ACAP2: variants seen among roughly 807,000 people sequenced by gnomAD.
The protein encoded by ACAP2 is ArfGAP with coiled-coil, ankyrin repeat and PH domains 2.
A neutral mutation model predicts 115.8 loss-of-function variants in ACAP2; 39 were observed. That is an observed-to-expected ratio of 0.34 (90% CI 0.26 to 0.44). The LOEUF is 0.44. Ranked by LOEUF, ACAP2 falls within the 20% of genes least tolerant of loss-of-function variation. The probability of loss-of-function intolerance (pLI) is 1.00; values close to 1 mark genes in which losing one functional copy is unlikely to be tolerated. For missense variants in ACAP2, 662 were observed against 927.6 expected, an observed-to-expected ratio of 0.71 and a Z score of 3.72; for synonymous variants, 289 against 315.8, an observed-to-expected ratio of 0.92 and a Z score of 0.90.
At chr3:195,316,830 T>C (rs1729118975) in intron 10 of ACAP2, among the ~76,000 whole-genome samples, 1 of 150,678 alleles carries the variant, frequency 6.6e-6, no homozygotes, top group Non-Finnish European at 1.5e-5. Context: ...CATGTAAACA[T>C]CTGGCAATAT....
intron 16 of ACAP2, among the ~76,000 whole-genome samples, 178 bp downstream of exon 16, chr3:195,297,012 G>A (rs1727696261): frequency 6.6e-6 from 1 of 152,036 alleles, no homozygotes. Context: ...TTGATTATCT[G>A]TTCAATACAA....
chr3:195,374,236 T>G (rs972766622), intron 4 of ACAP2, among the ~76,000 whole-genome samples: 6 of 151,586 alleles, frequency 4.0e-5, no homozygotes, highest in Non-Finnish European at 8.8e-5. Context: ...AAATAAAAAA[T>G]AAAATTAGCC....
intron 1 of ACAP2, among the ~76,000 whole-genome samples, chr3:195,414,352 T>C (rs1224013267): frequency 6.6e-6 from 1 of 152,202 alleles, no homozygotes; most frequent in Non-Finnish European, 1.5e-5. Flanking sequence ...AATGTGATCC[T>C]CCTGCCTCAG....
intron 1 of ACAP2, among the ~76,000 whole-genome samples, chr3:195,409,590 A>T (rs1713080615): frequency 6.6e-6 from 1 of 152,028 alleles, no homozygotes; most frequent in Admixed American, 6.6e-5. Context: ...AAATAGAAAA[A>T]CCTGGCTGGG....
chr3:195,381,885 A>G lies in ACAP2; in HGVS notation c.231+18T>C, dbSNP rs1438562445. The stretch of plus-strand genomic sequence containing the variant: ...GCTTTTTTTTTTCATTTTTAACTGC[A>G]ATTTTAGTAATACTAACCTCAACGA... On this transcript the variant is annotated intron_variant, in intron 3 of 22. Transcript: ENST00000326793. 6 of 1,565,392 alleles carry G rather than the reference A, an allele frequency of 3.8e-6. No homozygotes were observed. The East Asian group carries it at 9.0e-5, about 24-fold the overall frequency.
chr3:195,362,784 A>C (rs1433457908), intron 4 of ACAP2, among the ~76,000 whole-genome samples: 1 of 152,220 alleles, frequency 6.6e-6, no homozygotes, highest in Non-Finnish European at 1.5e-5. Context: ...CTCTCAAAAA[A>C]CTGGGTATAG....
At chr3:195,304,510 G>A (rs553053353) in intron 13 of ACAP2, among the ~76,000 whole-genome samples, 6 of 152,190 alleles carry the variant, frequency 3.9e-5, no homozygotes, top group South Asian at 2.1e-4. Context: ...TCCTACTGTC[G>A]CTGCCCCCCA....
At chr3:195,328,880 C>T (rs1293124624) in intron 8 of ACAP2, among the ~76,000 whole-genome samples, 1 of 152,128 alleles carries the variant, frequency 6.6e-6, no homozygotes, top group African/African-American at 2.4e-5. Context: ...TAGATCGAGA[C>T]CATCCTGGCT....
intron 1 of ACAP2, among the ~76,000 whole-genome samples, chr3:195,434,625 G>C (rs1715393837): frequency 6.6e-6 from 1 of 152,206 alleles, no homozygotes; most frequent in African/African-American, 2.4e-5. Flanking sequence ...GCTTTGAAAA[G>C]TGATGTCTCC....
intron 1 of ACAP2, among the ~76,000 whole-genome samples, chr3:195,430,734 A>G (rs1715054730): frequency 6.6e-6 from 1 of 151,942 alleles, no homozygotes; most frequent in Admixed American, 6.6e-5. Flanking sequence ...AAAAAAAATC[A>G]TATGGGGAAA....
At chr3:195,417,591 T>G (rs1366240872) in intron 1 of ACAP2, among the ~76,000 whole-genome samples, 1 of 152,108 alleles carries the variant, frequency 6.6e-6, no homozygotes, top group Admixed American at 6.6e-5. Flanking sequence ...CTTGCCCCAA[T>G]GAAGTTAATG....
At chr3:195,438,441 C>A (rs373744112) in intron 1 of ACAP2, among the ~76,000 whole-genome samples, 24 of 151,856 alleles carry the variant, frequency 1.6e-4, no homozygotes, top group African/African-American at 5.6e-4. Context: ...TATTAACAGG[C>A]AGTTGCTAAA....
intron 1 of ACAP2, among the ~76,000 whole-genome samples, chr3:195,399,225 T>C (rs779188886): frequency 3.9e-5 from 6 of 152,250 alleles, no homozygotes; most frequent in Non-Finnish European, 8.8e-5. Flanking sequence ...TCATTCATCT[T>C]CTCAAAAGTC....
In ACAP2 at chr3:195,393,661, A is replaced by G. The variant is rs570088474; in HGVS notation, c.54-1514T>C. Among the ~76,000 whole-genome samples the G allele has an allele frequency of 2.0e-5, 3 of 152,352 alleles. No homozygotes were observed. In the South Asian group the frequency reaches 6.2e-4, roughly 32 times the overall value. On this transcript the variant is annotated intron_variant, in intron 1 of 22. Transcript: ENST00000326793. ...ACATTTTTCATTCACATCAGTCCTCAGTCCCTTCACCTACTCATCATTTAA... is the reference window on the plus strand; with the variant it reads ...ACATTTTTCATTCACATCAGTCCTCGGTCCCTTCACCTACTCATCATTTAA...
chr3:195,343,617 C>G (rs934445214), intron 5 of ACAP2, among the ~76,000 whole-genome samples: 1 of 152,102 alleles, frequency 6.6e-6, no homozygotes, highest in African/African-American at 2.4e-5. Flanking sequence ...TTTCTGTGGT[C>G]TCACATTATT....
At chr3:195,435,269 G>A (rs999869916) in intron 1 of ACAP2, among the ~76,000 whole-genome samples, 2 of 150,422 alleles carry the variant, frequency 1.3e-5, no homozygotes, top group African/African-American at 5.0e-5. Context: ...CTGCCCCCCG[G>A]GTTCAAGTGA....
chr3:195,343,956 C>G (rs897184063), intron 5 of ACAP2, among the ~76,000 whole-genome samples: 1 of 152,086 alleles, frequency 6.6e-6, no homozygotes, highest in South Asian at 2.1e-4. Flanking sequence ...GCCTGTAATC[C>G]CAGTGCTTTG....
chr3:195,306,655 T>C (rs1229575444), intron 12 of ACAP2, 39 bp from the exon 13 acceptor site: 1 of 1,484,256 alleles, frequency 6.7e-7, no homozygotes. Context: ...AGACACTAAG[T>C]TAATGCCAAA....
chr3:195,300,034 CTTTTTTTTTCTTT>C (rs1560216071), intron 15 of ACAP2, among the ~76,000 whole-genome samples: 1 of 141,890 alleles, frequency 7.0e-6, no homozygotes, highest in Non-Finnish European at 1.5e-5. Flanking sequence ...TTTCTTTTTT[CTTTTTTTTTCTTT>C]TTTTTTTTTT....
Sources: gnomAD v4.1 joint callset for allele counts (sites outside exome capture counted in the v4.1 genomes callset) on GRCh38, gnomAD v4.1.1 for gene constraint, MANE v1.5 for transcripts, NCBI Gene and HGNC (gene_info 2026-07-23, HGNC 2026-07-21) for gene names.